TAPT1: variants seen among roughly 807,000 people sequenced by gnomAD.
The protein encoded by TAPT1 is transmembrane anterior posterior transformation protein 1 homolog.
A neutral mutation model predicts 65.6 loss-of-function variants in TAPT1; 28 were observed. The ratio of observed to expected loss-of-function variants is 0.43; its 90% CI spans 0.32 to 0.59. The LOEUF is 0.59. Among genes scored for constraint, TAPT1 ranks in the 20% least tolerant of loss-of-function variants. TAPT1 has a pLI of 0.09. For missense variants in TAPT1, 563 were observed against 679.9 expected (o/e 0.83, Z 1.91); for synonymous variants, 278 against 245.2 (o/e 1.13, Z -1.25).
At chr4:16,190,399 G>A (rs975426597) in intron 4 of TAPT1, 4 of 151,982 alleles carry the variant, frequency 2.6e-5, no homozygotes, top group African/African-American at 9.7e-5. Flanking sequence ...GGTGCAGTGG[G>A]ACGATTTCAG....
chr4:16,175,617 A>G (rs1748274688), intron 9 of TAPT1, among the ~76,000 whole-genome samples: 1 of 152,194 alleles, frequency 6.6e-6, no homozygotes, highest in African/African-American at 2.4e-5. Flanking sequence ...ATCTATTTCT[A>G]GAAATTATCC....
chr4:16,178,574 A>G (rs895853031), intron 8 of TAPT1, among the ~76,000 whole-genome samples: 7 of 152,234 alleles, frequency 4.6e-5, no homozygotes, highest in African/African-American at 1.7e-4. Context: ...TAGCTCACTT[A>G]GCATTATAAT....
At chr4:16,226,619 C>T (rs1294756301), upstream of TAPT1, 4 of 289,724 alleles carry the variant, frequency 1.4e-5, no homozygotes, top group Admixed American at 1.3e-4. Flanking sequence ...GTCAGCGACG[C>T]GTGTGAGGCC....
chr4:16,181,204 A>C (rs1748688912), intron 7 of TAPT1, among the ~76,000 whole-genome samples: 1 of 152,204 alleles, frequency 6.6e-6, no homozygotes, highest in Non-Finnish European at 1.5e-5. Context: ...CTTTAATTGG[A>C]ATTCTGTAGA....
At chr4:16,186,959 T>C in intron 5 of TAPT1, 81 bp from the exon 6 acceptor site, 1 of 732,998 alleles carries the variant, frequency 1.4e-6, no homozygotes, top group Non-Finnish European at 2.3e-6. Flanking sequence ...AAGTGAATAA[T>C]AAAGATGACT....
chr4:16,218,201 T>G (rs1751047621), intron 1 of TAPT1, among the ~76,000 whole-genome samples: 1 of 152,124 alleles, frequency 6.6e-6, no homozygotes, highest in Admixed American at 6.5e-5. Flanking sequence ...GTCAGGAGTT[T>G]GAGACCAGCC....
chr4:16,200,873 G>T lies in TAPT1; in HGVS notation c.449+1589C>A, dbSNP rs548804695. On this transcript the variant is annotated intron_variant, in intron 3 of 13. Coordinates refer to ENST00000405303, the MANE Select transcript of TAPT1 (RefSeq NM_153365.3). ...CCACGCTACAAATGCCTTTAAAAAG[G>T]CTTGTTAATAATAAGGCCTTCTTAA... Among the ~76,000 whole-genome samples, 268 of 152,252 alleles carry T rather than the reference G, an allele frequency of 1.8e-3. 1 individual carries two copies. The highest frequency in any genetic ancestry group is 2.5e-3 in the Non-Finnish European group (170 of 68,000).
At position 16,186,560 on chromosome 4, in the gene TAPT1, G is replaced by A; in HGVS notation, c.891C>T (p.Asn297=). The A allele has an allele frequency of 2.6e-6, 4 of 1,533,628 alleles. No homozygotes were observed. The highest frequency in any genetic ancestry group is 3.5e-6 in the Non-Finnish European group (4 of 1,129,780). The change falls in exon 7 of 14, where the codon AAC becomes AAT. Residue 297 remains asparagine, a synonymous_variant. Coordinates refer to ENST00000405303, the MANE Select transcript of TAPT1 (RefSeq NM_153365.3). ...CGCTATTTGACATTTGAAAGAGATT[G>A]TTCTTTTCAAACTTCTTGAAAACAC... ...KGSVFKKFEK[N]NLFQMSNSDI...
At chr4:16,165,964 C>G (rs1747581541) in intron 13 of TAPT1, among the ~76,000 whole-genome samples, 2 of 152,206 alleles carry the variant, frequency 1.3e-5, no homozygotes, top group Admixed American at 1.3e-4. Context: ...CGCTCAAAGC[C>G]CCGCAACAGC....
At chr4:16,217,554 A>G (rs1198450424) in intron 1 of TAPT1, among the ~76,000 whole-genome samples, 1 of 152,236 alleles carries the variant, frequency 6.6e-6, no homozygotes, top group African/African-American at 2.4e-5. Context: ...CCCTTCTGAT[A>G]TGATAATTTC....
At chr4:16,186,416 A>C in intron 7 of TAPT1, 119 bp downstream of exon 7, 2 of 632,152 alleles carry the variant, frequency 3.2e-6, no homozygotes, top group South Asian at 4.4e-5. Flanking sequence ...TGTTGATAGC[A>C]TAAGAGAAGG....
At chr4:16,192,836 A>G (rs1749453811) in intron 3 of TAPT1, among the ~76,000 whole-genome samples, 1 of 152,188 alleles carries the variant, frequency 6.6e-6, no homozygotes, top group Non-Finnish European at 1.5e-5. Context: ...AAGCAACAAT[A>G]CAGGGGTGGG....
At chr4:16,170,570 T>C in intron 12 of TAPT1, 83 bp downstream of exon 12, 1 of 954,384 alleles carries the variant, frequency 1.0e-6, no homozygotes, top group East Asian at 2.5e-5. Flanking sequence ...GGGAGTAGTA[T>C]GATTGGGATG....
At chr4:16,179,452 A>G (rs1281297580) in intron 8 of TAPT1, 125 bp downstream of exon 8, 3 of 567,864 alleles carry the variant, frequency 5.3e-6, no homozygotes, top group Non-Finnish European at 9.2e-6. Flanking sequence ...TTTCACCAAT[A>G]CCCAAACAGT....
At position 16,189,062 on chromosome 4, in the gene TAPT1, CT is replaced by C. The variant is rs796153685; in HGVS notation, c.613-708del. 2.6e-5 allele frequency among the ~76,000 whole-genome samples: 4 copies of C among 152,242 alleles called. No homozygotes were observed. In the South Asian group the frequency reaches 8.3e-4, roughly 32 times the overall value. ...ATCTAATATTTGTAAATAATGGTAA[CT>C]ATTTTTTTGAGGTTTATTATATGGA... On this transcript the variant is annotated intron_variant, in intron 4 of 13. Transcript: ENST00000405303.
chr4:16,213,982 C>A, intron 1 of TAPT1, 84 bp from the exon 2 acceptor site: 1 of 1,191,466 alleles, frequency 8.4e-7, no homozygotes, highest in South Asian at 1.8e-5. Flanking sequence ...AGGTAATATA[C>A]ATATAAAACA....
rs1422548798 is a variant in TAPT1 at position 16,186,624 on chromosome 4, T to C, written c.847-20A>G. On this transcript the variant is annotated intron_variant, in intron 6 of 13. Coordinates refer to ENST00000405303, the MANE Select transcript of TAPT1 (RefSeq NM_153365.3). ...AACAAACTGAAATAGTAAACAGAAA[T>C]ACCATCTTTATGATTATAACAGTTT... 2 of 1,480,016 alleles carry C rather than the reference T, an allele frequency of 1.4e-6. No individual in the cohort carries two copies. The highest frequency in any genetic ancestry group is 1.4e-5 in the African/African-American group (1 of 71,512). The allele number at this position is 1,480,016 out of a possible 1,614,324, so 91.7% of individuals were successfully genotyped here. A position where few individuals can be genotyped will look rare whatever the true frequency, so the allele number is the denominator to read the frequency against.
rs1451557265 is a variant in TAPT1, at chr4:16,226,159, G to A, written c.199+100C>T. Reference sequence around the variant, plus strand: ...TGGGGAGCCCCGGGAGGCAACGGCAGCCGCGCGGCTCGGGGGCCGGGGTTC... The same window carrying A: ...TGGGGAGCCCCGGGAGGCAACGGCAACCGCGCGGCTCGGGGGCCGGGGTTC... On this transcript the variant is annotated intron_variant, in intron 1 of 13. Transcript: ENST00000405303. 1.0e-4 allele frequency: 103 copies of A among 1,001,608 alleles called. No individual in the cohort carries two copies. The South Asian group carries it at 4.4e-3, about 42-fold the overall frequency. The allele number at this position is 1,001,608 out of a possible 1,614,324, so 62.0% of individuals were successfully genotyped here. A position where few individuals can be genotyped will look rare whatever the true frequency, so the allele number is the denominator to read the frequency against.
chr4:16,177,546 C>T (rs916038462), intron 8 of TAPT1, among the ~76,000 whole-genome samples: 3 of 152,020 alleles, frequency 2.0e-5, no homozygotes, highest in East Asian at 1.9e-4. Context: ...CCTCTTTCGC[C>T]GATAAGCTCT....
Sources: gnomAD v4.1 joint callset for allele counts (sites outside exome capture counted in the v4.1 genomes callset) on GRCh38, gnomAD v4.1.1 for gene constraint, MANE v1.5 for transcripts, NCBI Gene and HGNC (gene_info 2026-07-23, HGNC 2026-07-21) for gene names.